PTCHD4: variants seen among roughly 807,000 people sequenced by gnomAD.
PTCHD4 encodes patched domain-containing protein 4.
Under a neutral mutation model 58.1 loss-of-function variants are expected in PTCHD4, and 33 were observed. The ratio of observed to expected loss-of-function variants is 0.57; its 90% CI spans 0.43 to 0.76. The LOEUF (loss-of-function observed/expected upper bound fraction) is 0.76. PTCHD4 is among the 30% of genes least tolerant of loss of function. The probability of loss-of-function intolerance (pLI) is 0.00; values close to 1 mark genes in which losing one functional copy is unlikely to be tolerated. For missense variants in PTCHD4, 1,058 were observed against 1,027.1 expected, an observed-to-expected ratio of 1.03 and a Z score of -0.41; for synonymous variants, 478 against 409.6, an observed-to-expected ratio of 1.17 and a Z score of -2.02.
intron 4 of PTCHD4, among the ~76,000 whole-genome samples, chr6:47,881,724 G>T (rs769189671): frequency 1.7e-4 from 26 of 152,100 alleles, no homozygotes; most frequent in Admixed American, 1.0e-3. Flanking sequence ...GCAAATATTT[G>T]ATTTTTAAAG....
chr6:47,898,223 C>T (rs572016934), intron 4 of PTCHD4, among the ~76,000 whole-genome samples: 5 of 152,260 alleles, frequency 3.3e-5, no homozygotes, highest in African/African-American at 9.6e-5. Context: ...GGATTACAGG[C>T]GTGAGCCACT....
At chr6:47,922,453 C>A (rs1018700044) in intron 4 of PTCHD4, among the ~76,000 whole-genome samples, 2 of 152,194 alleles carry the variant, frequency 1.3e-5, no homozygotes, top group African/African-American at 4.8e-5. Flanking sequence ...GCCGGCCCAA[C>A]TGGCTCCTTC....
chr6:47,895,206 A>C (rs1198744956), intron 4 of PTCHD4, among the ~76,000 whole-genome samples: 1 of 152,194 alleles, frequency 6.6e-6, no homozygotes, highest in African/African-American at 2.4e-5. Context: ...AAGATGATAA[A>C]ATAGCTAACT....
intron 4 of PTCHD4, among the ~76,000 whole-genome samples, chr6:47,928,249 T>G (rs931371741): frequency 3.2e-4 from 48 of 152,326 alleles, no homozygotes; most frequent in African/African-American, 1.0e-3. Context: ...GGAGCATCCC[T>G]TATCTAAGAT....
In PTCHD4 at chr6:47,872,125, T is replaced by G. The variant is rs1248526684; in HGVS notation, c.*6178A>C. Among the ~76,000 whole-genome samples, 1 of 151,536 alleles carries G rather than the reference T, an allele frequency of 6.6e-6. No individual in the cohort carries two copies. Among genetic ancestry groups the G allele is most frequent in the Non-Finnish European group, 1.5e-5 (1 of 67,712 alleles). On this transcript the variant is annotated 3_prime_UTR_variant, in exon 5 of 5. Coordinates refer to ENST00000339488, the MANE Select transcript of PTCHD4 (RefSeq NM_001384253.1). ...AGGTGTTTCCGTGTCCAGGGAGAGATTCTAGTAACCATATTACATTAGATA... is the reference window on the plus strand; with the variant it reads ...AGGTGTTTCCGTGTCCAGGGAGAGAGTCTAGTAACCATATTACATTAGATA...
chr6:47,866,091 A>C lies in PTCHD4; in HGVS notation c.*12212T>G, dbSNP rs1763556186. Among the ~76,000 whole-genome samples the C allele has an allele frequency of 6.6e-6, 1 of 151,876 alleles. No homozygotes were observed. Among genetic ancestry groups the C allele is most frequent in the Non-Finnish European group, 1.5e-5 (1 of 67,878 alleles). ...ACCAGGTTTGGCTCTACTAGAAATC[A>C]TCTCTCTACCCTCTGGATATCTCCT... On this transcript the variant is annotated 3_prime_UTR_variant, in exon 5 of 5. Coordinates refer to ENST00000339488, the MANE Select transcript of PTCHD4 (RefSeq NM_001384253.1).
At chr6:47,908,531 C>A (rs934166979) in intron 4 of PTCHD4, among the ~76,000 whole-genome samples, 1 of 152,120 alleles carries the variant, frequency 6.6e-6, no homozygotes, top group African/African-American at 2.4e-5. Context: ...TATGATATTA[C>A]CCCATTGTGG....
intron 3 of PTCHD4, among the ~76,000 whole-genome samples, chr6:48,049,860 A>G (rs998901191): frequency 1.3e-5 from 2 of 151,974 alleles, no homozygotes; most frequent in Admixed American, 1.3e-4. Flanking sequence ...GGGTACTCTC[A>G]GAGTAGTCAT....
intron 4 of PTCHD4, among the ~76,000 whole-genome samples, chr6:47,961,904 A>T (rs532615864): frequency 6.6e-6 from 1 of 152,248 alleles, no homozygotes; most frequent in South Asian, 2.1e-4. Context: ...AGAAGAAAGG[A>T]AACAATAATC....
chr6:48,014,563 C>T (rs907413399), intron 3 of PTCHD4, among the ~76,000 whole-genome samples: 2 of 152,000 alleles, frequency 1.3e-5, no homozygotes, highest in East Asian at 3.9e-4. Context: ...ATTTGGTTTT[C>T]TTATCTATAA....
rs1301211512 is a variant in PTCHD4 at position 47,868,092 on chromosome 6, T to C, written c.*10211A>G. On this transcript the variant is annotated 3_prime_UTR_variant, in exon 5 of 5. Coordinates refer to ENST00000339488, the MANE Select transcript of PTCHD4 (RefSeq NM_001384253.1). Reference sequence around the variant, plus strand: ...CTTTGTTTTTAAAGCCTAACTAAGCTAATGAACAGAAACTAAATAAAAAAA... The same window carrying C: ...CTTTGTTTTTAAAGCCTAACTAAGCCAATGAACAGAAACTAAATAAAAAAA... Among the ~76,000 whole-genome samples the C allele has an allele frequency of 6.6e-6, 1 of 151,766 alleles. No individual in the cohort carries two copies. Among genetic ancestry groups the C allele is most frequent in the Non-Finnish European group, 1.5e-5 (1 of 67,800 alleles).
At chr6:47,932,858 G>T (rs1198531106) in intron 4 of PTCHD4, among the ~76,000 whole-genome samples, 17 of 152,166 alleles carry the variant, frequency 1.1e-4, no homozygotes, top group Non-Finnish European at 5.9e-5. Flanking sequence ...TAAAGTGAGG[G>T]TAATAAAATA....
chr6:47,897,485 C>T (rs56200627), intron 4 of PTCHD4, among the ~76,000 whole-genome samples: 3,027 of 152,282 alleles, frequency 0.02, 46 homozygotes, highest in Non-Finnish European at 0.028. Flanking sequence ...TCTCCAACAG[C>T]AACTGAATTT....
intron 4 of PTCHD4, among the ~76,000 whole-genome samples, chr6:47,918,366 G>GA (rs1257525117): frequency 2.0e-5 from 3 of 151,830 alleles, no homozygotes; most frequent in East Asian, 1.9e-4. Flanking sequence ...CTCTAAACTA[G>GA]AAAAAAAATC....
intron 4 of PTCHD4, among the ~76,000 whole-genome samples, chr6:47,932,448 A>C (rs1765857178): frequency 6.6e-6 from 1 of 152,196 alleles, no homozygotes; most frequent in African/African-American, 2.4e-5. Context: ...AACACAACAG[A>C]TTATGAGAAT....
intron 4 of PTCHD4, among the ~76,000 whole-genome samples, chr6:47,980,404 T>C (rs1171768774): frequency 6.6e-6 from 1 of 152,114 alleles, no homozygotes; most frequent in Non-Finnish European, 1.5e-5. Context: ...GTTGTTAATC[T>C]AAAGTTTTTC....
intron 3 of PTCHD4, among the ~76,000 whole-genome samples, chr6:48,066,817 A>G (rs1764813395): frequency 6.6e-6 from 1 of 151,682 alleles, no homozygotes; most frequent in Non-Finnish European, 1.5e-5. Flanking sequence ...AAAAAAAAGC[A>G]GGTTATAAGG....
chr6:48,049,188 A>G (rs1186723342), intron 3 of PTCHD4, among the ~76,000 whole-genome samples: 4 of 151,666 alleles, frequency 2.6e-5, no homozygotes, highest in African/African-American at 7.3e-5. Flanking sequence ...GACTTGGGGG[A>G]GGAGGAGGAT....
intron 4 of PTCHD4, among the ~76,000 whole-genome samples, chr6:47,897,850 T>C (rs1196616175): frequency 6.6e-6 from 1 of 152,138 alleles, no homozygotes; most frequent in Non-Finnish European, 1.5e-5. Flanking sequence ...CATCTCTAAC[T>C]TAATAGACAT....
Sources: allele counts gnomAD v4.1 joint callset (sites outside exome capture counted in the v4.1 genomes callset), GRCh38; gene constraint gnomAD v4.1.1; transcripts MANE v1.5; gene names NCBI Gene and HGNC (gene_info 2026-07-23, HGNC 2026-07-21).